Variants in MTHFD2L observed in about 807,000 individuals in gnomAD.
MTHFD2L encodes the protein bifunctional methylenetetrahydrofolate dehydrogenase/cyclohydrolase 2, mitochondrial.
In MTHFD2L, 29 loss-of-function variants were observed where a neutral mutation model predicts 34.9. The ratio of observed to expected loss-of-function variants is 0.83; its 90% CI spans 0.62 to 1.13. The LOEUF is 1.13. Ranked by LOEUF, MTHFD2L falls within the 50% of genes most tolerant of loss-of-function variation. MTHFD2L has a pLI of 0.00. For synonymous variants in MTHFD2L, 167 were observed against 155.7 expected (o/e 1.07, Z -0.54); for missense variants, 481 against 446.5 (o/e 1.08, Z -0.70).
chr4:74,268,709 A>AT (rs1250464112), intron 6 of MTHFD2L, among the ~76,000 whole-genome samples: 2 of 152,034 alleles, frequency 1.3e-5, no homozygotes, highest in Non-Finnish European at 2.9e-5. Flanking sequence ...GAAGTGATTA[A>AT]TTTTTTTTAA....
rs77514245 is a variant in MTHFD2L, at chr4:74,280,078, G to A, written c.806-1347G>A. ...TTTTCCTGCAAGAGATCTAGAATACGAATGTGAGAACATCACCTACCGACA... is the reference window on the plus strand; with the variant it reads ...TTTTCCTGCAAGAGATCTAGAATACAAATGTGAGAACATCACCTACCGACA... On this transcript the variant is annotated intron_variant, in intron 6 of 7. Coordinates refer to ENST00000325278, the MANE Select transcript of MTHFD2L (RefSeq NM_001144978.3). Among the ~76,000 whole-genome samples the A allele has an allele frequency of 9.5e-3, 1,443 of 152,126 alleles. 28 individuals are homozygous for A. The highest frequency in any genetic ancestry group is 0.033 in the African/African-American group (1,365 of 41,506).
At chr4:74,128,667 T>G (rs1722252135) in intron 1 of MTHFD2L, among the ~76,000 whole-genome samples, 1 of 152,078 alleles carries the variant, frequency 6.6e-6, no homozygotes, top group African/African-American at 2.4e-5. Context: ...CAGCTTTGTG[T>G]TTTTTACTCA....
intron 6 of MTHFD2L, among the ~76,000 whole-genome samples, chr4:74,243,117 G>A (rs1175396709): frequency 1.3e-5 from 2 of 152,182 alleles, no homozygotes; most frequent in South Asian, 4.1e-4. Flanking sequence ...GATTGCTGTG[G>A]CACAGAAGGC....
chr4:74,202,930 C>A (rs1734693384), intron 5 of MTHFD2L, among the ~76,000 whole-genome samples: 1 of 152,028 alleles, frequency 6.6e-6, no homozygotes, highest in South Asian at 2.1e-4. Context: ...TTATTATTAA[C>A]CTTGTTGAAT....
intron 7 of MTHFD2L, among the ~76,000 whole-genome samples, chr4:74,283,545 G>T (rs1369248900): frequency 6.6e-6 from 1 of 152,110 alleles, no homozygotes; most frequent in East Asian, 1.9e-4. Flanking sequence ...CACCTCACTA[G>T]CTGTCAGTGA....
At chr4:74,203,188 T>C (rs1453066903) in intron 5 of MTHFD2L, among the ~76,000 whole-genome samples, 2 of 150,780 alleles carry the variant, frequency 1.3e-5, no homozygotes, top group East Asian at 4.0e-4. Flanking sequence ...TGATAATGAC[T>C]CCAGATAACT....
intron 7 of MTHFD2L, among the ~76,000 whole-genome samples, chr4:74,291,705 T>C (rs1041215766): frequency 2.6e-5 from 4 of 152,184 alleles, no homozygotes; most frequent in Non-Finnish European, 5.9e-5. Context: ...CACTGCTTAC[T>C]CCCAAGTGTG....
intron 3 of MTHFD2L, among the ~76,000 whole-genome samples, chr4:74,198,170 A>ACCAGTCT (rs1733803518): frequency 1.3e-5 from 2 of 152,180 alleles, no homozygotes; most frequent in Admixed American, 6.5e-5. Context: ...ATCTGTAACC[A>ACCAGTCT]CCAGTCTCTA....
intron 3 of MTHFD2L, among the ~76,000 whole-genome samples, chr4:74,185,151 CAAAAAAAAA>C (rs1169021073): frequency 1.9e-4 from 3 of 15,982 alleles, no homozygotes; most frequent in East Asian, 2.2e-3. Context: ...GACTCCATCT[CAAAAAAAAA>C]AAAAAAAAAA....
At chr4:74,134,090 G>T (rs1397769400) in intron 1 of MTHFD2L, among the ~76,000 whole-genome samples, 5 of 152,140 alleles carry the variant, frequency 3.3e-5, no homozygotes, top group Admixed American at 6.6e-5. Context: ...AATTGAGATT[G>T]TCAACCAGCT....
At chr4:74,217,400 A>C (rs1737376333) in intron 5 of MTHFD2L, among the ~76,000 whole-genome samples, 1 of 151,892 alleles carries the variant, frequency 6.6e-6, no homozygotes, top group African/African-American at 2.4e-5. Flanking sequence ...AAATATTCAA[A>C]TCTAGAATCT....
intron 6 of MTHFD2L, among the ~76,000 whole-genome samples, chr4:74,251,640 T>C (rs756238444): frequency 4.6e-5 from 7 of 151,752 alleles, no homozygotes; most frequent in Non-Finnish European, 7.4e-5. Context: ...CTGAAAAACA[T>C]GCCCTCACTG....
intron 7 of MTHFD2L, among the ~76,000 whole-genome samples, chr4:74,283,134 A>G (rs1747709266): frequency 6.6e-6 from 1 of 152,180 alleles, no homozygotes; most frequent in East Asian, 1.9e-4. Context: ...TGAGGCAAGA[A>G]AAGCAGGGAT....
At chr4:74,212,408 G>A (rs1736481962) in intron 5 of MTHFD2L, among the ~76,000 whole-genome samples, 1 of 151,992 alleles carries the variant, frequency 6.6e-6, no homozygotes, top group Admixed American at 6.6e-5. Flanking sequence ...TGTTCTCATT[G>A]GTTTCAAATA....
chr4:74,289,995 A>C (rs1748673688), intron 7 of MTHFD2L, among the ~76,000 whole-genome samples: 1 of 152,220 alleles, frequency 6.6e-6, no homozygotes, highest in South Asian at 2.1e-4. Context: ...ACATTACAAA[A>C]GGTTTTATGC....
intron 3 of MTHFD2L, among the ~76,000 whole-genome samples, chr4:74,188,564 ATAGT>A (rs1427514482): frequency 6.6e-6 from 1 of 152,066 alleles, no homozygotes; most frequent in African/African-American, 2.4e-5. Context: ...ATGTTTATAG[ATAGT>A]TGGAGCTGAG....
At chr4:74,154,975 C>T (rs908490271), upstream of MTHFD2L, among the ~76,000 whole-genome samples, 2 of 152,100 alleles carry the variant, frequency 1.3e-5, no homozygotes, top group Admixed American at 6.6e-5. Context: ...AGCCTCCTCC[C>T]ATTGCTTATC....
intron 3 of MTHFD2L, chr4:74,180,869 A>G (rs1427045253): frequency 9.6e-6 from 2 of 208,136 alleles, no homozygotes; most frequent in African/African-American, 2.3e-5. Flanking sequence ...TTGTCGAGGT[A>G]AGAAAGGGGT....
upstream of MTHFD2L, chr4:74,157,900 C>G: frequency 1.5e-6 from 1 of 686,904 alleles, no homozygotes; most frequent in Non-Finnish European, 2.6e-6. Flanking sequence ...GCTTCCACAT[C>G]CTCAGAGGGC....
Sources: gnomAD v4.1 joint callset for allele counts (sites outside exome capture counted in the v4.1 genomes callset) on GRCh38, gnomAD v4.1.1 for gene constraint, MANE v1.5 for transcripts, NCBI Gene and HGNC (gene_info 2026-07-23, HGNC 2026-07-21) for gene names.